Variants in CTTNBP2 observed in about 807,000 individuals in gnomAD.
CTTNBP2 encodes the protein cortactin-binding protein 2.
A neutral mutation model predicts 156.9 loss-of-function variants in CTTNBP2; 108 were observed. The ratio of observed to expected loss-of-function variants is 0.69; its 90% CI spans 0.59 to 0.81. The LOEUF is 0.81. Ranked by LOEUF, CTTNBP2 falls within the 30% of genes least tolerant of loss-of-function variation. The pLI, the probability that CTTNBP2 is intolerant of heterozygous loss-of-function variation, is 0.00. For synonymous variants in CTTNBP2, 767 were observed against 751.8 expected, an observed-to-expected ratio of 1.02 and a Z score of -0.33; for missense variants, 1,924 against 2,035.4, an observed-to-expected ratio of 0.95 and a Z score of 1.05.
intron 8 of CTTNBP2, among the ~76,000 whole-genome samples, chr7:117,771,506 TGAG>T (rs2116723870): frequency 6.6e-6 from 1 of 152,312 alleles, no homozygotes; most frequent in African/African-American, 2.4e-5. Context: ...TGTGAAGGGC[TGAG>T]TGCTATGCAC....
intron 2 of CTTNBP2, among the ~76,000 whole-genome samples, chr7:117,846,487 T>C (rs1420052276): frequency 6.6e-6 from 1 of 152,030 alleles, no homozygotes; most frequent in African/African-American, 2.4e-5. Flanking sequence ...ATTAGAACTC[T>C]GTTATTAGTG....
intron 2 of CTTNBP2, among the ~76,000 whole-genome samples, chr7:117,847,684 G>A (rs541430977): frequency 6.6e-6 from 1 of 152,204 alleles, no homozygotes; most frequent in South Asian, 2.1e-4. Flanking sequence ...TGTGTTATGA[G>A]CAGTCATCAT....
chr7:117,868,620 T>C (rs1371565691), intron 1 of CTTNBP2, among the ~76,000 whole-genome samples: 3 of 152,214 alleles, frequency 2.0e-5, no homozygotes, highest in African/African-American at 7.2e-5. Context: ...TCAATATCGA[T>C]GTCATCATCA....
chr7:117,854,255 T>C (rs1380397712), intron 2 of CTTNBP2, among the ~76,000 whole-genome samples: 1 of 152,230 alleles, frequency 6.6e-6, no homozygotes, highest in Admixed American at 6.5e-5. Context: ...TTAATTATAA[T>C]GAACAGCACA....
chr7:117,871,867 C>CACACACACACAT (rs1451889346), intron 1 of CTTNBP2: 1 of 897,330 alleles, frequency 1.1e-6, no homozygotes, highest in African/African-American at 1.9e-5. Context: ...CACACACACA[C>CACACACACACAT]ACACACACCC....
intron 21 of CTTNBP2, among the ~76,000 whole-genome samples, chr7:117,718,627 A>G (rs1794602396): frequency 6.6e-6 from 1 of 152,234 alleles, no homozygotes. Flanking sequence ...TAGAGTGCCA[A>G]AACAGGTTGA....
chr7:117,745,284 C>A (rs1050977747), intron 14 of CTTNBP2, among the ~76,000 whole-genome samples: 2 of 152,312 alleles, frequency 1.3e-5, no homozygotes, highest in Admixed American at 1.3e-4. Context: ...AATAATGATA[C>A]CTACACTTGC....
chr7:117,836,179 G>A (rs1801922116), intron 2 of CTTNBP2, among the ~76,000 whole-genome samples: 1 of 152,180 alleles, frequency 6.6e-6, no homozygotes, highest in African/African-American at 2.4e-5. Context: ...CAAGTTTGAA[G>A]CACAAGCCCA....
At chr7:117,784,100 C>T (rs1482783379) in intron 5 of CTTNBP2, 151 bp downstream of exon 5, 2 of 545,032 alleles carry the variant, frequency 3.7e-6, no homozygotes, top group African/African-American at 3.9e-5. Flanking sequence ...TTTATAAAAA[C>T]TTTAAATCTC....
chr7:117,808,007 T>C (rs1800051080), intron 3 of CTTNBP2, among the ~76,000 whole-genome samples: 1 of 152,244 alleles, frequency 6.6e-6, no homozygotes, highest in African/African-American at 2.4e-5. Context: ...GCAACTCACC[T>C]ATTTATATTG....
At position 117,792,006 on chromosome 7, in the gene CTTNBP2, C is replaced by T; in HGVS notation, c.1190G>A (p.Ser397Asn). ...AGCGTTACTGGGAAGTGGGGGTGTG[C>T]TACTGGTTGGATCTGGTGTTGAGCC... ...STGSTPDPTS[S>N]TPPLPSNAAP... The change falls in exon 4 of 23, where the codon AGC becomes AAC. Residue 397 changes from serine to asparagine, a missense_variant. Transcript: ENST00000160373. The surrounding 1 kb of genome is among the most constrained non-coding windows in gnomAD (Gnocchi z 4.2). 5 of 1,614,054 alleles carry T rather than the reference C, an allele frequency of 3.1e-6. No individual in the cohort carries two copies. In the Admixed American group the frequency reaches 6.7e-5, roughly 22 times the overall value.
At chr7:117,833,624 A>ATG (rs1358441290) in intron 2 of CTTNBP2, among the ~76,000 whole-genome samples, 2 of 152,118 alleles carry the variant, frequency 1.3e-5, no homozygotes, top group Non-Finnish European at 2.9e-5. Flanking sequence ...TGATCACTAT[A>ATG]TGTTGTACGT....
Position 117,827,171 on chromosome 7 carries a change from C to T in CTTNBP2, c.190-16182G>A, listed in dbSNP as rs573287179. Among the ~76,000 whole-genome samples the T allele has an allele frequency of 1.6e-4, 25 of 152,264 alleles. No homozygotes were observed. In the South Asian group the frequency reaches 5.0e-3, roughly 30 times the overall value. ...ACCACACCTGGCCAATTGACCATTACTTCTAAAGCAAGTGTTTACAAAATA... is the reference window on the plus strand; with the variant it reads ...ACCACACCTGGCCAATTGACCATTATTTCTAAAGCAAGTGTTTACAAAATA... On this transcript the variant is annotated intron_variant, in intron 2 of 22. Transcript: ENST00000160373.
chr7:117,764,480 G>T (rs1797371582), intron 9 of CTTNBP2, among the ~76,000 whole-genome samples: 1 of 152,096 alleles, frequency 6.6e-6, no homozygotes, highest in Non-Finnish European at 1.5e-5. Flanking sequence ...CCATAGGGAA[G>T]CTCTTACCTC....
At chr7:117,778,681 G>GA in intron 7 of CTTNBP2, among the ~76,000 whole-genome samples, 1 of 152,072 alleles carries the variant, frequency 6.6e-6, no homozygotes, top group Non-Finnish European at 1.5e-5. Flanking sequence ...GTTATTCTGG[G>GA]AAAAATCTAG....
chr7:117,781,860 G>A (rs553985240), intron 6 of CTTNBP2, among the ~76,000 whole-genome samples: 25 of 152,310 alleles, frequency 1.6e-4, no homozygotes, highest in African/African-American at 6.0e-4. Flanking sequence ...AGGTTGCCTG[G>A]TGAAAGTAAA....
intron 22 of CTTNBP2, among the ~76,000 whole-genome samples, chr7:117,713,493 A>G (rs1794171778): frequency 6.6e-6 from 1 of 152,062 alleles, no homozygotes; most frequent in Admixed American, 6.6e-5. Context: ...TTAGCAGGAA[A>G]TCCTCAGTTA....
At chr7:117,767,282 G>A in intron 8 of CTTNBP2, 106 bp from the exon 9 acceptor site, 1 of 716,246 alleles carries the variant, frequency 1.4e-6, no homozygotes, top group Non-Finnish European at 2.5e-6. Flanking sequence ...AAGAATTCAT[G>A]GCTATAAATC....
intron 9 of CTTNBP2, among the ~76,000 whole-genome samples, chr7:117,764,417 GC>G (rs1797369284): frequency 6.6e-6 from 1 of 152,074 alleles, no homozygotes; most frequent in Non-Finnish European, 1.5e-5. Context: ...ACCTGGAATG[GC>G]TCTATTTTCC....
Sources: allele counts gnomAD v4.1 joint callset (sites outside exome capture counted in the v4.1 genomes callset), GRCh38; gene constraint gnomAD v4.1.1; non-coding constraint Gnocchi (gnomAD v3.1); transcripts MANE v1.5; gene names NCBI Gene and HGNC (gene_info 2026-07-23, HGNC 2026-07-21).